GAS2: variants seen among roughly 807,000 people sequenced by gnomAD.
GAS2 encodes growth arrest specific 2.
In GAS2, 20 loss-of-function variants were observed where a neutral mutation model predicts 37.5. The observed-to-expected ratio is 0.53, with a 90% CI of 0.37 to 0.77. GAS2 has a LOEUF of 0.77. GAS2 is among the 30% of genes least tolerant of loss of function. The pLI, the probability that GAS2 is intolerant of heterozygous loss-of-function variation, is 0.00. For synonymous variants in GAS2, 144 were observed against 132.2 expected, an observed-to-expected ratio of 1.09 and a Z score of -0.61; for missense variants, 336 against 373.4, an observed-to-expected ratio of 0.90 and a Z score of 0.82.
chr11:22,714,685 T>C (rs1851575761), intron 3 of GAS2, among the ~76,000 whole-genome samples: 1 of 152,168 alleles, frequency 6.6e-6, no homozygotes, highest in South Asian at 2.1e-4. Context: ...CACAGTGGAA[T>C]AAAATTGGAA....
intron 3 of GAS2, among the ~76,000 whole-genome samples, chr11:22,716,387 C>T (rs985231941): frequency 2.6e-5 from 4 of 152,094 alleles, no homozygotes; most frequent in Admixed American, 2.6e-4. Flanking sequence ...TGACCATAAT[C>T]CCACCACTTT....
intron 1 of GAS2, among the ~76,000 whole-genome samples, chr11:22,647,954 T>A (rs1263612172): frequency 6.6e-6 from 1 of 152,124 alleles, no homozygotes; most frequent in Non-Finnish European, 1.5e-5. Context: ...AATTTTGGCT[T>A]TTGTTGCCAT....
intron 3 of GAS2, among the ~76,000 whole-genome samples, chr11:22,723,727 A>G (rs1016068559): frequency 6.6e-6 from 1 of 151,784 alleles, no homozygotes; most frequent in Non-Finnish European, 1.5e-5. Flanking sequence ...TAGGTGGTAG[A>G]TCTTAAAGTG....
Position 22,711,159 on chromosome 11 carries a change from AG to A in GAS2, c.268-15127del, listed in dbSNP as rs1305280284. Among the ~76,000 whole-genome samples, 2 of 152,284 alleles carry A rather than the reference AG, an allele frequency of 1.3e-5. 1 individual carries two copies. Among genetic ancestry groups the A allele is most frequent in the Middle Eastern group, 6.8e-3 (2 of 294 alleles). ...AAAAACTATGAGTTCCCAAAGTGTG[AG>A]GGGGGAAAAGTCACCCTCTAAACAC... On this transcript the variant is annotated intron_variant, in intron 3 of 7. Coordinates refer to ENST00000454584, the MANE Select transcript of GAS2 (RefSeq NM_001143830.3).
chr11:22,737,580 A>C, intron 4 of GAS2, 125 bp from the exon 5 acceptor site: 1 of 843,612 alleles, frequency 1.2e-6, no homozygotes, highest in Non-Finnish European at 2.0e-6. Flanking sequence ...GGGTTCTATG[A>C]CTGTCAGAAT....
At chr11:22,717,471 T>C (rs951440879) in intron 3 of GAS2, among the ~76,000 whole-genome samples, 1 of 152,020 alleles carries the variant, frequency 6.6e-6, no homozygotes. Context: ...TGGATCTCTG[T>C]CTCTCACCTT....
At chr11:22,805,357 A>AT (rs1233210570) in intron 7 of GAS2, among the ~76,000 whole-genome samples, 3 of 152,134 alleles carry the variant, frequency 2.0e-5, no homozygotes, top group African/African-American at 7.2e-5. Flanking sequence ...CATAGTTATC[A>AT]TTTTTGTGGC....
intron 3 of GAS2, among the ~76,000 whole-genome samples, chr11:22,722,686 G>A (rs1005913550): frequency 1.3e-5 from 2 of 151,828 alleles, no homozygotes; most frequent in African/African-American, 4.8e-5. Context: ...GAATTTTGAA[G>A]GCCCTGGGAA....
chr11:22,759,344 G>T (rs1050618020), intron 7 of GAS2, among the ~76,000 whole-genome samples: 302 of 152,220 alleles, frequency 2.0e-3, no homozygotes, highest in African/African-American at 7.1e-3. Context: ...AGACAGGCTT[G>T]TTTATGTTCA....
At chr11:22,668,580 T>C (rs981379282) in intron 1 of GAS2, among the ~76,000 whole-genome samples, 1 of 152,168 alleles carries the variant, frequency 6.6e-6, no homozygotes, top group Non-Finnish European at 1.5e-5. Context: ...GTGCAAAAGG[T>C]CATGTGATTG....
At chr11:22,631,292 C>T (rs1858741650) in intron 1 of GAS2, among the ~76,000 whole-genome samples, 1 of 152,054 alleles carries the variant, frequency 6.6e-6, no homozygotes, top group Admixed American at 6.5e-5. Flanking sequence ...TAGTTTGACT[C>T]CTTTTTTTCC....
intron 5 of GAS2, among the ~76,000 whole-genome samples, chr11:22,739,818 C>A (rs1852974576): frequency 6.6e-6 from 1 of 151,908 alleles, no homozygotes; most frequent in African/African-American, 2.4e-5. Flanking sequence ...CTAAATATTT[C>A]ATCAGATAAG....
chr11:22,628,996 G>A (rs1201052946), intron 1 of GAS2, among the ~76,000 whole-genome samples: 1 of 13,382 alleles, frequency 7.5e-5, no homozygotes, highest in African/African-American at 1.3e-4. Context: ...AGTATTCCAT[G>A]GTATGTGTGT....
chr11:22,645,454 C>G (rs1003515188), intron 1 of GAS2, among the ~76,000 whole-genome samples: 2 of 152,008 alleles, frequency 1.3e-5, no homozygotes, highest in Non-Finnish European at 2.9e-5. Flanking sequence ...CTGCAGTGAG[C>G]TGAAATCATG....
At chr11:22,636,112 G>GTTTT (rs755515453) in intron 1 of GAS2, among the ~76,000 whole-genome samples, 3 of 152,082 alleles carry the variant, frequency 2.0e-5, no homozygotes, top group Non-Finnish European at 4.4e-5. Context: ...TTGTTTGTTT[G>GTTTT]TTTTTTGTTT....
Position 22,639,580 on chromosome 11 carries a change from TTGTAA to T in GAS2, c.-21+13770_-21+13774del, listed in dbSNP as rs561774274. ...CAAAAGGGGAAAATCGTCAAATGAATTGTAATGGATAGAAGACTTTATGCATGTAA... is the reference window on the plus strand; with the variant it reads ...CAAAAGGGGAAAATCGTCAAATGAATTGGATAGAAGACTTTATGCATGTAA... On this transcript the variant is annotated intron_variant, in intron 1 of 5. Coordinates refer to the GAS2 transcript ENST00000528582. Among the ~76,000 whole-genome samples the T allele has an allele frequency of 2.4e-3, 364 of 152,296 alleles. 1 individual carries two copies. Among genetic ancestry groups the T allele is most frequent in the African/African-American group, 8.4e-3 (349 of 41,550 alleles).
intron 5 of GAS2, among the ~76,000 whole-genome samples, chr11:22,747,149 A>C (rs1853452346): frequency 6.6e-6 from 1 of 152,182 alleles, no homozygotes; most frequent in South Asian, 2.1e-4. Flanking sequence ...TTAGGGATTC[A>C]AAACCATAAG....
At chr11:22,626,053 C>A in intron 1 of GAS2, 1 of 553,806 alleles carries the variant, frequency 1.8e-6, no homozygotes, top group South Asian at 2.0e-5. Flanking sequence ...GGCATCCTAC[C>A]GAGAATTTCC....
At chr11:22,709,033 G>A (rs1173010508) in intron 3 of GAS2, among the ~76,000 whole-genome samples, 2 of 152,104 alleles carry the variant, frequency 1.3e-5, no homozygotes, top group Non-Finnish European at 2.9e-5. Flanking sequence ...AGAGTAGACA[G>A]TGTGCAGGCT....
Sources: gnomAD v4.1 joint callset for allele counts (sites outside exome capture counted in the v4.1 genomes callset) on GRCh38, gnomAD v4.1.1 for gene constraint, MANE v1.5 for transcripts, NCBI Gene and HGNC (gene_info 2026-07-23, HGNC 2026-07-21) for gene names.